The following GNB1 variants were observed in gnomAD, a reference collection of about 807,000 sequenced individuals.
GNB1 encodes the protein G protein subunit beta 1.
GNB1 carries 2 observed loss-of-function variants against 42.9 expected under a neutral mutation model. The ratio of observed to expected loss-of-function variants is 0.05; its 90% CI spans 0.02 to 0.15. GNB1 has a LOEUF of 0.15. GNB1 is among the 10% of genes least tolerant of loss of function. The probability of loss-of-function intolerance (pLI) is 1.00; values close to 1 mark genes in which losing one functional copy is unlikely to be tolerated. For missense variants in GNB1, 193 were observed against 462.2 expected, an observed-to-expected ratio of 0.42 and a Z score of 5.34; for synonymous variants, 183 against 174.7, an observed-to-expected ratio of 1.05 and a Z score of -0.38.
chr1:1,802,919 A>T (rs1263833552), intron 7 of GNB1, among the ~76,000 whole-genome samples: 2 of 152,238 alleles, frequency 1.3e-5, no homozygotes, highest in Admixed American at 6.5e-5. Context: ...TTAAGAAGGC[A>T]ACTCCAAAGT....
At chr1:1,844,032 A>G (rs1467105269) in intron 1 of GNB1, among the ~76,000 whole-genome samples, 3 of 151,914 alleles carry the variant, frequency 2.0e-5, no homozygotes. Context: ...CGTCTCTACT[A>G]AAAATACAAA....
Position 1,790,592 on chromosome 1 carries a change from G to T in GNB1, c.502C>A (p.Leu168Met). The change falls in exon 9 of 12, where the codon CTG (leucine) becomes ATG (methionine). Residue 168 changes from leucine (L) to methionine (M), a missense_variant. By Grantham distance (15) the Leu-to-Met change is conservative. Transcript: ENST00000378609. The surrounding 1 kb of genome is among the most constrained non-coding windows in gnomAD (Gnocchi z 5.4). Reference protein sequence around the residue: ...VTSSGDTTCALWDIETGQQTT... With the variant: ...VTSSGDTTCAMWDIETGQQTT... ...TGCTGGCCGGTCTCGATGTCCCACAGGGCACTGGAGCAGGAGCGAATGACA... is the reference window on the plus strand; with the variant it reads ...TGCTGGCCGGTCTCGATGTCCCACATGGCACTGGAGCAGGAGCGAATGACA... 6.2e-7 allele frequency: 1 copy of T among 1,610,992 alleles called. No homozygotes were observed. Among genetic ancestry groups the T allele is most frequent in the Non-Finnish European group, 8.5e-7 (1 of 1,177,246 alleles).
chr1:1,846,071 A>G (rs758834633), intron 1 of GNB1, among the ~76,000 whole-genome samples: 2 of 152,184 alleles, frequency 1.3e-5, no homozygotes, highest in Non-Finnish European at 2.9e-5. Context: ...TAAAAAGAAC[A>G]TGTCAAAAAC....
At chr1:1,853,455 G>C (rs1264400965) in intron 1 of GNB1, among the ~76,000 whole-genome samples, 1 of 152,098 alleles carries the variant, frequency 6.6e-6, no homozygotes, top group African/African-American at 2.4e-5. Flanking sequence ...GCCGAACTCT[G>C]ACCACTAGTC....
intron 1 of GNB1, among the ~76,000 whole-genome samples, chr1:1,880,015 T>C (rs1348346398): frequency 6.6e-6 from 1 of 151,976 alleles, no homozygotes; most frequent in Non-Finnish European, 1.5e-5. Flanking sequence ...CACTGCAATC[T>C]CAACCTGCCA....
At chr1:1,807,161 TTC>T (rs1383328792) in intron 5 of GNB1, among the ~76,000 whole-genome samples, 2 of 152,072 alleles carry the variant, frequency 1.3e-5, no homozygotes, top group East Asian at 1.9e-4. Context: ...TCATAAGTGT[TTC>T]TGTTTGGTTT....
At position 1,791,823 on chromosome 1, in the gene GNB1, G is replaced by C. The variant is rs182198108; in HGVS notation, c.498-1227C>G. On this transcript the variant is annotated intron_variant, in intron 8 of 11. Transcript: ENST00000378609. ...GTCTGAAAAAAATGATTAATGAACA[G>C]AAGCACTTTAAAAATATCTTCTAAT... Among the ~76,000 whole-genome samples, 5 of 152,338 alleles carry C rather than the reference G, an allele frequency of 3.3e-5. No individual in the cohort carries two copies. The East Asian group carries it at 9.6e-4, about 29-fold the overall frequency.
chr1:1,875,837 T>TC (rs59528461), intron 1 of GNB1, among the ~76,000 whole-genome samples: 2 of 151,228 alleles, frequency 1.3e-5, no homozygotes, highest in Non-Finnish European at 2.9e-5. Flanking sequence ...TTCAACAGTG[T>TC]CCCCCCCCCC....
rs1277648175 is a variant in GNB1, at chr1:1,787,190, G to A, written c.*9+132C>T. On this transcript the variant is annotated intron_variant, in intron 11 of 11. Coordinates refer to ENST00000378609, the MANE Select transcript of GNB1 (RefSeq NM_002074.5). The surrounding 1 kb of genome is among the most constrained non-coding windows in gnomAD (Gnocchi z 4.4). ...CACGTGACTTCAGCTTTCTGTAAAC[G>A]TTTCCCACAACACAATTCCAAATCA... 1.1e-5 allele frequency: 7 copies of A among 626,868 alleles called. No homozygotes were observed. The highest frequency in any genetic ancestry group is 5.5e-5 in the African/African-American group (3 of 54,094). The allele number at this position is 626,868 out of a possible 1,614,324, so 38.8% of individuals were successfully genotyped here.
intron 5 of GNB1, among the ~76,000 whole-genome samples, chr1:1,809,050 A>G (rs1646740932): frequency 6.6e-6 from 1 of 152,192 alleles, no homozygotes; most frequent in African/African-American, 2.4e-5. Context: ...GACACTTTTA[A>G]TATCAAACTA....
intron 1 of GNB1, among the ~76,000 whole-genome samples, chr1:1,860,844 C>A (rs930864140): frequency 6.6e-6 from 1 of 151,962 alleles, no homozygotes; most frequent in East Asian, 1.9e-4. Context: ...ACACGCTCAT[C>A]AAAAATGGGA....
intron 1 of GNB1, among the ~76,000 whole-genome samples, chr1:1,887,730 C>T (rs557011094): frequency 4.6e-5 from 7 of 152,342 alleles, no homozygotes; most frequent in African/African-American, 1.4e-4. Context: ...ATTCCCGTGC[C>T]TAAACCTCCC....
intron 1 of GNB1, among the ~76,000 whole-genome samples, chr1:1,848,126 T>A (rs1384095470): frequency 1.6e-4 from 25 of 151,954 alleles, no homozygotes; most frequent in Admixed American, 1.6e-3. Flanking sequence ...AGGCCTGTAC[T>A]CCCAGCACTT....
intron 1 of GNB1, among the ~76,000 whole-genome samples, chr1:1,855,493 A>G (rs1648234537): frequency 6.6e-6 from 1 of 152,024 alleles, no homozygotes; most frequent in South Asian, 2.1e-4. Context: ...CAAGGTCAGG[A>G]GATCAAGACC....
chr1:1,870,151 G>A (rs751944036), intron 1 of GNB1, among the ~76,000 whole-genome samples: 1 of 151,940 alleles, frequency 6.6e-6, no homozygotes, highest in Non-Finnish European at 1.5e-5. Flanking sequence ...GTGAGCCACC[G>A]CACCAGGCCC....
intron 2 of GNB1, among the ~76,000 whole-genome samples, chr1:1,837,584 G>A (rs1017363316): frequency 6.8e-6 from 1 of 147,428 alleles, no homozygotes; most frequent in Non-Finnish European, 1.5e-5. Flanking sequence ...TTTTTGACAC[G>A]GAGTCTCACT....
chr1:1,836,213 C>T (rs920288326), intron 2 of GNB1, among the ~76,000 whole-genome samples: 2 of 152,086 alleles, frequency 1.3e-5, no homozygotes, highest in Non-Finnish European at 2.9e-5. Context: ...CGCCCAACAA[C>T]GCTGGGTGGG....
intron 2 of GNB1, among the ~76,000 whole-genome samples, chr1:1,830,509 G>T (rs565738841): frequency 6.6e-6 from 1 of 151,542 alleles, no homozygotes; most frequent in Non-Finnish European, 1.5e-5. Context: ...TCAGCCTCCC[G>T]AAGTGCTGGG....
intron 7 of GNB1, among the ~76,000 whole-genome samples, chr1:1,800,420 G>A (rs1316866430): frequency 6.6e-6 from 1 of 152,144 alleles, no homozygotes; most frequent in African/African-American, 2.4e-5. Flanking sequence ...GTTTATCAGA[G>A]GTAACAAGTA....
Sources: gnomAD v4.1 joint callset for allele counts (sites outside exome capture counted in the v4.1 genomes callset) on GRCh38, gnomAD v4.1.1 for gene constraint, Gnocchi (gnomAD v3.1) non-coding constraint, MANE v1.5 for transcripts, NCBI Gene and HGNC (gene_info 2026-07-23, HGNC 2026-07-21) for gene names.